Variants in CUBN observed in about 807,000 individuals in gnomAD.
CUBN encodes 460 kDa receptor.
Under a neutral mutation model 405.3 loss-of-function variants are expected in CUBN, and 282 were observed. The ratio of observed to expected loss-of-function variants is 0.70; its 90% CI spans 0.63 to 0.77. The LOEUF (loss-of-function observed/expected upper bound fraction) is 0.77, where lower values mean the gene tolerates loss of function less well. Among genes scored for constraint, CUBN ranks in the 30% least tolerant of loss-of-function variants. CUBN has a pLI of 0.00. For missense variants in CUBN, 4,514 were observed against 4,475.2 expected (o/e 1.01, Z -0.25); for synonymous variants, 1,684 against 1,617.0 (o/e 1.04, Z -0.99).
intron 15 of CUBN, among the ~76,000 whole-genome samples, chr10:17,087,766 C>T (rs1415465837): frequency 6.6e-6 from 1 of 152,202 alleles, no homozygotes; most frequent in Non-Finnish European, 1.5e-5. Context: ...TGAGCCACCA[C>T]ACCCGGCCTC....
chr10:16,954,123 A>G (rs575074450), intron 32 of CUBN, among the ~76,000 whole-genome samples: 1 of 76,926 alleles, frequency 1.3e-5, no homozygotes, highest in Admixed American at 1.2e-4. Flanking sequence ...GTGAATTTGG[A>G]TAAAACTTTT....
intron 62 of CUBN, among the ~76,000 whole-genome samples, chr10:16,837,997 G>A (rs1021413230): frequency 2.6e-5 from 4 of 152,142 alleles, no homozygotes; most frequent in African/African-American, 9.7e-5. Context: ...AATTGAGAGA[G>A]CTTTCACCCA....
chr10:17,015,811 A>T (rs1834312570), intron 28 of CUBN, among the ~76,000 whole-genome samples: 1 of 152,098 alleles, frequency 6.6e-6, no homozygotes, highest in African/African-American at 2.4e-5. Context: ...AATCTTTTTT[A>T]AAGTGTCCTT....
intron 28 of CUBN, among the ~76,000 whole-genome samples, chr10:16,996,159 C>A (rs534791749): frequency 1.3e-5 from 2 of 152,240 alleles, no homozygotes; most frequent in East Asian, 3.9e-4. Flanking sequence ...ACCATAGCAA[C>A]CTGGAAAACG....
rs1483172479 is a variant in CUBN, at chr10:17,034,761, T to G, written c.4017+6272A>C. Among the ~76,000 whole-genome samples, 6 of 152,254 alleles carry G rather than the reference T, an allele frequency of 3.9e-5. No individual in the cohort carries two copies. The East Asian group carries it at 9.6e-4, about 24-fold the overall frequency. ...TAAAGGAAATCTATAAACACTAATG[T>G]ACCAAAAGAGATCTACAGGAGTGGC... On this transcript the variant is annotated intron_variant, in intron 27 of 66. Transcript: ENST00000377833.
Position 17,006,691 on chromosome 10 carries a change from C to T in CUBN, c.4168+13142G>A, listed in dbSNP as rs141333712. On this transcript the variant is annotated intron_variant, in intron 28 of 66. Coordinates refer to ENST00000377833, the MANE Select transcript of CUBN (RefSeq NM_001081.4). ...TTTTAAAAGCCCTTTGGTACAGTGC[C>T]TCATGCCCACAGGTAGTCAAGAAGG... is the stretch of plus-strand genomic sequence containing the variant. Among the ~76,000 whole-genome samples, 429 of 152,242 alleles carry T rather than the reference C, an allele frequency of 2.8e-3. 2 individuals carry two copies. Among genetic ancestry groups the T allele is most frequent in the African/African-American group, 9.5e-3 (393 of 41,550 alleles).
At chr10:16,947,190 C>T in intron 36 of CUBN, 45 bp downstream of exon 36, 1 of 1,605,530 alleles carries the variant, frequency 6.2e-7, no homozygotes, top group Middle Eastern at 1.7e-4. Context: ...TTCTTTCCTA[C>T]AGATTCATTA....
intron 59 of CUBN, among the ~76,000 whole-genome samples, chr10:16,861,165 C>CT (rs397845114): frequency 0.047 from 6,764 of 143,730 alleles, 445 homozygotes; most frequent in African/African-American, 0.15. Flanking sequence ...CAATGAATGC[C>CT]TTTTTTTTTT....
Position 17,041,158 on chromosome 10 carries a change from T to C in CUBN, c.3892A>G (p.Asn1298Asp). 6.2e-7 allele frequency: 1 copy of C among 1,613,794 alleles called. No homozygotes were observed. Among genetic ancestry groups the C allele is most frequent in the Middle Eastern group, 1.7e-4 (1 of 6,060 alleles). The change falls in exon 27 of 67, where the codon AAT (asparagine) becomes GAT (aspartate). Residue 1298 changes from asparagine to aspartate, a missense_variant. Transcript: ENST00000377833. ...YGILESIGYP[N>D]PYSENQHCNW... is the part of the protein sequence containing the mutation. ...CAATGCTGATTTTCAGAATAAGGATTCGGATACCCTATACTCTCTAAGATG... is the reference window on the plus strand; with the variant it reads ...CAATGCTGATTTTCAGAATAAGGATCCGGATACCCTATACTCTCTAAGATG...
At chr10:17,064,835 T>C (rs867821433) in intron 22 of CUBN, among the ~76,000 whole-genome samples, 1 of 152,096 alleles carries the variant, frequency 6.6e-6, no homozygotes, top group African/African-American at 2.4e-5. Flanking sequence ...ATAGGAAAAA[T>C]ACAATGAAAG....
At chr10:17,106,836 T>C (rs1208620970) in intron 10 of CUBN, among the ~76,000 whole-genome samples, 1 of 152,218 alleles carries the variant, frequency 6.6e-6, no homozygotes, top group Non-Finnish European at 1.5e-5. Flanking sequence ...GATTGCATGC[T>C]GCCAGTTTTA....
intron 54 of CUBN, 130 bp from the exon 55 acceptor site, chr10:16,890,657 A>G: frequency 1.1e-6 from 1 of 894,086 alleles, no homozygotes; most frequent in Non-Finnish European, 1.8e-6. Flanking sequence ...AACATGGACA[A>G]ATCTGTAGTA....
At chr10:17,122,528 T>C (rs1490347229) in intron 6 of CUBN, 9 of 515,578 alleles carry the variant, frequency 1.7e-5, no homozygotes, top group Non-Finnish European at 3.1e-5. Flanking sequence ...ATGCTTACTC[T>C]CTGTGCCAAT....
In CUBN at chr10:16,916,653, C is replaced by T. The variant is rs45589738; in HGVS notation, c.7001-623G>A. Among the ~76,000 whole-genome samples the T allele has an allele frequency of 1.6e-3, 251 of 152,186 alleles. 1 individual carries two copies. The highest frequency in any genetic ancestry group is 3.0e-3 in the Non-Finnish European group (206 of 68,010). On this transcript the variant is annotated intron_variant, in intron 45 of 66. Transcript: ENST00000377833. ...GTTACCACTAGGCTTTCTGAACTTT[C>T]GCGGTATTAAATATTTGTTTGGTTT...
At chr10:16,952,018 G>T (rs1842934820) in intron 33 of CUBN, among the ~76,000 whole-genome samples, 1 of 152,150 alleles carries the variant, frequency 6.6e-6, no homozygotes, top group Non-Finnish European at 1.5e-5. Context: ...TTGTGCGTGT[G>T]TGTGTTTTTT....
chr10:16,947,905 A>G (rs956907339), intron 35 of CUBN, among the ~76,000 whole-genome samples: 10 of 152,184 alleles, frequency 6.6e-5, no homozygotes, highest in African/African-American at 2.2e-4. Flanking sequence ...GGCTGCCTTA[A>G]CAAACAAGCC....
At chr10:17,024,252 G>A (rs1020521001) in intron 27 of CUBN, among the ~76,000 whole-genome samples, 1 of 152,092 alleles carries the variant, frequency 6.6e-6, no homozygotes, top group Non-Finnish European at 1.5e-5. Context: ...CAATTTTTTT[G>A]TAAGATTGAG....
intron 27 of CUBN, among the ~76,000 whole-genome samples, chr10:17,025,598 A>C (rs561963452): frequency 4.9e-4 from 74 of 152,342 alleles, no homozygotes; most frequent in Non-Finnish European, 8.4e-4. Flanking sequence ...TGTCAGAGGC[A>C]AAGGGAATCA....
At chr10:16,835,903 TA>T (rs1329798846) in intron 63 of CUBN, among the ~76,000 whole-genome samples, 4 of 152,198 alleles carry the variant, frequency 2.6e-5, no homozygotes, top group African/African-American at 9.6e-5. Context: ...TAAACATATA[TA>T]TTTCTTGTAA....
Sources: allele counts gnomAD v4.1 joint callset (sites outside exome capture counted in the v4.1 genomes callset), GRCh38; gene constraint gnomAD v4.1.1; transcripts MANE v1.5; gene names NCBI Gene and HGNC (gene_info 2026-07-23, HGNC 2026-07-21).